The following CIAO1 variants were observed in gnomAD, a reference collection of about 807,000 sequenced individuals.
CIAO1 encodes cytosolic iron-sulfur assembly component 1.
A neutral mutation model predicts 43.1 loss-of-function variants in CIAO1; 32 were observed. The ratio of observed to expected loss-of-function variants is 0.74; its 90% CI spans 0.56 to 1.00. The LOEUF is 1.00. Among genes scored for constraint, CIAO1 ranks in the 50% least tolerant of loss-of-function variants. The probability of loss-of-function intolerance (pLI) is 0.00; values close to 1 mark genes in which losing one functional copy is unlikely to be tolerated. For synonymous variants in CIAO1, 183 were observed against 171.4 expected (o/e 1.07, Z -0.53); for missense variants, 415 against 437.4 (o/e 0.95, Z 0.46).
At chr2:96,270,078 GA>G (rs991285189) in intron 6 of CIAO1, among the ~76,000 whole-genome samples, 1 of 152,130 alleles carries the variant, frequency 6.6e-6, no homozygotes, top group African/African-American at 2.4e-5. Context: ...CCAAAACAGT[GA>G]AAAAAACTGA....
chr2:96,270,533 G>A (rs1212277810), intron 6 of CIAO1, among the ~76,000 whole-genome samples: 2 of 151,626 alleles, frequency 1.3e-5, no homozygotes, highest in Non-Finnish European at 2.9e-5. Flanking sequence ...TGATGGCTGG[G>A]CCCAGTGGCT....
At chr2:96,269,071 G>T in intron 5 of CIAO1, 197 bp from the exon 6 acceptor site, 1 of 617,548 alleles carries the variant, frequency 1.6e-6, no homozygotes, top group Non-Finnish European at 2.9e-6. Context: ...ACAGAACAGG[G>T]ATGTTTCCTC....
chr2:96,266,917 C>G (rs1684442865), intron 1 of CIAO1, among the ~76,000 whole-genome samples: 1 of 151,948 alleles, frequency 6.6e-6, no homozygotes, highest in Non-Finnish European at 1.5e-5. Context: ...GGTAGATCAC[C>G]TGAGGTCAAG....
rs1433748036 is a variant in CIAO1 at position 96,273,153 on chromosome 2, G to A, written c.*1802G>A. Reference sequence around the variant, plus strand: ...TCTGTACTCCACCATGAGCTTTATTGTTGGGGATATTAACAAATGTGATTT... The same window carrying A: ...TCTGTACTCCACCATGAGCTTTATTATTGGGGATATTAACAAATGTGATTT... On this transcript the variant is annotated 3_prime_UTR_variant, in exon 7 of 7. Coordinates refer to ENST00000488633, the MANE Select transcript of CIAO1 (RefSeq NM_004804.3). 1 of 152,192 alleles carries A rather than the reference G, an allele frequency of 6.6e-6. No individual in the cohort carries two copies. Among genetic ancestry groups the A allele is most frequent in the Admixed American group, 6.5e-5 (1 of 15,282 alleles). The allele number at this position is 152,192 out of a possible 1,614,324, so 9.4% of individuals were successfully genotyped here.
rs747987140 is a variant in CIAO1, at chr2:96,267,638, T to G, written c.302T>G (p.Leu101Arg). 6.2e-7 allele frequency: 1 copy of G among 1,614,180 alleles called. No homozygotes were observed. The highest frequency in any genetic ancestry group is 8.5e-7 in the Non-Finnish European group (1 of 1,180,022). The change falls in exon 3 of 7, where the codon CTC becomes CGC. Residue 101 changes from leucine (L) to arginine (R), a missense_variant. By Grantham distance (102) the Leu-to-Arg change is moderately radical. Coordinates refer to ENST00000488633, the MANE Select transcript of CIAO1 (RefSeq NM_004804.3). ...CCCCTTTCACAGTGTGTAACCACTC[T>G]CGAGGGCCATGAAAATGAGGTCAAG... ...NQDDFECVTT[L>R]EGHENEVKSV...
chr2:96,267,689 A>G lies in CIAO1; in HGVS notation c.353A>G (p.Asn118Ser). 1 of 1,613,854 alleles carries G rather than the reference A, an allele frequency of 6.2e-7. No homozygotes were observed. Among genetic ancestry groups the G allele is most frequent in the Non-Finnish European group, 8.5e-7 (1 of 1,179,988 alleles). Reference sequence around the variant, plus strand: ...TCAGTGGCTTGGGCCCCATCTGGCAACCTCCTGGCCACTTGCAGCCGAGAT... The same window carrying G: ...TCAGTGGCTTGGGCCCCATCTGGCAGCCTCCTGGCCACTTGCAGCCGAGAT... ...VKSVAWAPSG[N>S]LLATCSRDKS... is the part of the protein sequence containing the mutation. The change falls in exon 3 of 7, where the codon AAC becomes AGC. Residue 118 changes from asparagine to serine, a missense_variant. Physicochemically the swap from Asn to Ser is conservative, Grantham distance 46. Transcript: ENST00000488633.
chr2:96,269,710 T>C (rs1016100790), intron 6 of CIAO1, among the ~76,000 whole-genome samples: 11 of 152,114 alleles, frequency 7.2e-5, no homozygotes, highest in Non-Finnish European at 1.6e-4. Flanking sequence ...TGCGGTGGCG[T>C]GATCTCATCT....
At chr2:96,266,951 A>G (rs1172686472) in intron 1 of CIAO1, among the ~76,000 whole-genome samples, 1 of 152,060 alleles carries the variant, frequency 6.6e-6, no homozygotes, top group African/African-American at 2.4e-5. Flanking sequence ...CCTGGCCAAC[A>G]TGGTGAAACC....
chr2:96,269,416 T>TA, intron 6 of CIAO1, 61 bp downstream of exon 6: 1 of 1,484,380 alleles, frequency 6.7e-7, no homozygotes. Context: ...AGAGAAGGCA[T>TA]ACCCTATGCA....
chr2:96,271,589 C>T lies in CIAO1; in HGVS notation c.*238C>T, dbSNP rs900234101. On this transcript the variant is annotated 3_prime_UTR_variant, in exon 7 of 7. Coordinates refer to ENST00000488633, the MANE Select transcript of CIAO1 (RefSeq NM_004804.3). ...ATTGTTATACCACAGATTTTTCTTG[C>T]ATTAGGGCACAGTGTTAAATTTTTT... 1.2e-5 allele frequency: 6 copies of T among 506,992 alleles called. No homozygotes were observed. The highest frequency in any genetic ancestry group is 2.1e-5 in the Non-Finnish European group (6 of 284,224). The allele number at this position is 506,992 out of a possible 1,614,324, so 31.4% of individuals were successfully genotyped here. A position where few individuals can be genotyped will look rare whatever the true frequency, so the allele number is the denominator to read the frequency against.
Position 96,273,219 on chromosome 2 carries a change from C to A in CIAO1, c.*1868C>A, listed in dbSNP as rs1236501617. On this transcript the variant is annotated 3_prime_UTR_variant, in exon 7 of 7. Transcript: ENST00000488633. ...TTTCATTTGGAAGAATTCAATGAAC[C>A]ATTTTTCCAAGTGACCAGTACGTGA... The A allele has an allele frequency of 6.6e-6, 1 of 152,126 alleles. No individual in the cohort carries two copies. Among genetic ancestry groups the A allele is most frequent in the Non-Finnish European group, 1.5e-5 (1 of 68,026 alleles). 9.4% of individuals were successfully genotyped at this position (152,126 alleles called of 1,614,324 possible).
At chr2:96,269,106 T>C (rs1684494127) in intron 5 of CIAO1, 162 bp from the exon 6 acceptor site, 1 of 644,342 alleles carries the variant, frequency 1.6e-6, no homozygotes, top group Non-Finnish European at 2.8e-6. Context: ...GAAACGCCAG[T>C]CTGGCTATAG....
rs760191360 is a variant in CIAO1, at chr2:96,267,485, G to A, written c.288+16G>A. On this transcript the variant is annotated intron_variant, in intron 2 of 6. Transcript: ENST00000488633. ...TGACTTTGAGGTACCCAGGCTGGTT[G>A]GGACCAGAATTATTGCCTGTTTCCT... The A allele has an allele frequency of 1.2e-6, 2 of 1,613,594 alleles. No individual in the cohort carries two copies. The highest frequency in any genetic ancestry group is 1.7e-6 in the Non-Finnish European group (2 of 1,179,594).
rs1684609830 is a variant in CIAO1 at position 96,274,148 on chromosome 2, G to GTTA, written c.*2800_*2802dup. On this transcript the variant is annotated 3_prime_UTR_variant, in exon 7 of 7. Transcript: ENST00000488633. The stretch of plus-strand genomic sequence containing the variant: ...CTCCAGAACTGTGAAAAATAAATTT[G>GTTA]TTATTTAAAAAGAAAAAAAAAAAAA... Among the ~76,000 whole-genome samples, 5 of 143,334 alleles carry GTTA rather than the reference G, an allele frequency of 3.5e-5. No individual in the cohort carries two copies. In the South Asian group the frequency reaches 1.2e-3, roughly 34 times the overall value. 94.0% of individuals were successfully genotyped at this position (143,334 alleles called of 152,430 possible).
At chr2:96,269,063 A>C in intron 5 of CIAO1, 1 of 611,086 alleles carries the variant, frequency 1.6e-6, no homozygotes, top group South Asian at 2.0e-5. Flanking sequence ...AGTCTGCAAC[A>C]GAACAGGGAT....
rs1684600680 is a variant in CIAO1, at chr2:96,273,742, A to G, written c.*2391A>G. Among the ~76,000 whole-genome samples, 1 of 151,714 alleles carries G rather than the reference A, an allele frequency of 6.6e-6. No individual in the cohort carries two copies. The highest frequency in any genetic ancestry group is 1.5e-5 in the Non-Finnish European group (1 of 67,960). ...ATAGCCACAATTAGCTGAAAAGGCT[A>G]TTTTAAAAACTTTTCCAACTGCGTA... On this transcript the variant is annotated 3_prime_UTR_variant, in exon 7 of 7. Transcript: ENST00000488633.
chr2:96,267,444 GGAA>G lies in CIAO1; in HGVS notation c.270_272del (p.Lys90del), dbSNP rs1558758005. On this transcript the variant is annotated inframe_deletion, in exon 2 of 7. Transcript: ENST00000488633. ...AGCTTTGATGCTACCACTTGCATTT[GGAA>G]GAAGAACCAGGATGACTTTGAGGTA... 2 of 1,614,196 alleles carry G rather than the reference GGAA, an allele frequency of 1.2e-6. No homozygotes were observed. Among genetic ancestry groups the G allele is most frequent in the African/African-American group, 1.3e-5 (1 of 75,056 alleles).
rs1403714176 is a variant in CIAO1 at position 96,274,081 on chromosome 2, G to A, written c.*2730G>A. Among the ~76,000 whole-genome samples the A allele has an allele frequency of 1.3e-5, 2 of 151,002 alleles. No individual in the cohort carries two copies. Among genetic ancestry groups the A allele is most frequent in the Non-Finnish European group, 2.9e-5 (2 of 67,924 alleles). ...AATGTTAACATTATGATTTAAAAGTGCATTAACCTTAATCTAGATAATAAA... is the reference window on the plus strand; with the variant it reads ...AATGTTAACATTATGATTTAAAAGTACATTAACCTTAATCTAGATAATAAA... On this transcript the variant is annotated 3_prime_UTR_variant, in exon 7 of 7. Coordinates refer to ENST00000488633, the MANE Select transcript of CIAO1 (RefSeq NM_004804.3).
Position 96,273,318 on chromosome 2 carries a change from C to A in CIAO1, c.*1967C>A, listed in dbSNP as rs1027606898. The stretch of plus-strand genomic sequence containing the variant: ...AGGCCAGTGGATTTTAATGTATTAA[C>A]AATATAAGAGTGCATTAAGTTTTCG... On this transcript the variant is annotated 3_prime_UTR_variant, in exon 7 of 7. Transcript: ENST00000488633. 1.3e-5 allele frequency: 2 copies of A among 152,130 alleles called. No individual in the cohort carries two copies. The highest frequency in any genetic ancestry group is 6.6e-5 in the Admixed American group (1 of 15,266). 9.4% of individuals were successfully genotyped at this position (152,130 alleles called of 1,614,324 possible).
Sources: gnomAD v4.1 joint callset for allele counts (sites outside exome capture counted in the v4.1 genomes callset) on GRCh38, gnomAD v4.1.1 for gene constraint, MANE v1.5 for transcripts, NCBI Gene and HGNC (gene_info 2026-07-23, HGNC 2026-07-21) for gene names.